The following DNAI3 variants were observed in gnomAD, a reference collection of about 807,000 sequenced individuals.
The protein encoded by DNAI3 is dynein axonemal intermediate chain 3.
DNAI3 carries 83 observed loss-of-function variants against 115.5 expected under a neutral mutation model. That is an observed-to-expected ratio of 0.72 (90% CI 0.60 to 0.86). DNAI3 has a LOEUF of 0.86. Among genes scored for constraint, DNAI3 ranks in the 40% least tolerant of loss-of-function variants. DNAI3 has a pLI of 0.00. For missense variants in DNAI3, 1,004 were observed against 1,075.8 expected (o/e 0.93, Z 0.93); for synonymous variants, 320 against 347.0 (o/e 0.92, Z 0.86).
intron 3 of DNAI3, 24 bp from the exon 4 acceptor site, chr1:85,081,210 C>G: frequency 6.6e-7 from 1 of 1,525,846 alleles, no homozygotes; most frequent in Non-Finnish European, 8.7e-7. Context: ...ATTTAATGTC[C>G]AAATTCCACT....
At chr1:85,108,594 G>A (rs1015958781) in intron 15 of DNAI3, among the ~76,000 whole-genome samples, 2 of 152,058 alleles carry the variant, frequency 1.3e-5, no homozygotes, top group African/African-American at 4.8e-5. Flanking sequence ...AGAGTTCCTG[G>A]GAGAGCTTCA....
At chr1:85,084,751 TATTCCTGAGGG>T (rs546413139) in intron 6 of DNAI3, 56 bp downstream of exon 6, 5 of 1,324,738 alleles carry the variant, frequency 3.8e-6, no homozygotes, top group Non-Finnish European at 4.9e-6. Flanking sequence ...GAACAACACT[TATTCCTGAGGG>T]ATTCATAAGG....
At chr1:85,103,993 G>A (rs1220738603) in intron 13 of DNAI3, among the ~76,000 whole-genome samples, 1 of 150,582 alleles carries the variant, frequency 6.6e-6, no homozygotes, top group East Asian at 1.9e-4. Context: ...GTATAAAAAT[G>A]TATATGCATT....
chr1:85,068,616 G>A (rs1571150691), intron 1 of DNAI3, among the ~76,000 whole-genome samples: 1 of 152,150 alleles, frequency 6.6e-6, no homozygotes, highest in African/African-American at 2.4e-5. Context: ...TAACTTCTCA[G>A]CTCAAAACCA....
At chr1:85,129,902 T>C (rs1557729545) in intron 21 of DNAI3, 88 bp from the exon 22 acceptor site, 2 of 1,478,876 alleles carry the variant, frequency 1.4e-6, no homozygotes, top group Non-Finnish European at 1.8e-6. Context: ...TCTACCTAAT[T>C]ACAAGCAGCA....
At chr1:85,104,638 A>G (rs367570789) in intron 14 of DNAI3, 41 bp downstream of exon 14, 5 of 1,573,250 alleles carry the variant, frequency 3.2e-6, no homozygotes, top group Non-Finnish European at 4.4e-6. Flanking sequence ...GTTTTCATAC[A>G]TGGTGTTTTT....
rs1654092583 is a variant in DNAI3, at chr1:85,066,288, G to GTAGACGAATTA, written c.-15+3804_-15+3814dup. ...GTTAGGCACAACATTGATTTTAGGA[G>GTAGACGAATTA]TAGACGAATTATCTCTTCTGCTACT... On this transcript the variant is annotated intron_variant, in intron 1 of 22. Coordinates refer to ENST00000294664, the MANE Select transcript of DNAI3 (RefSeq NM_145172.5). Among the ~76,000 whole-genome samples the GTAGACGAATTA allele has an allele frequency of 3.5e-5, 5 of 142,532 alleles. No homozygotes were observed. In the South Asian group the frequency reaches 1.2e-3, roughly 33 times the overall value. 93.5% of individuals were successfully genotyped at this position (142,532 alleles called of 152,430 possible). A position where few individuals can be genotyped will look rare whatever the true frequency, so the allele number is the denominator to read the frequency against.
chr1:85,087,498 C>A (rs1443764217), intron 7 of DNAI3, among the ~76,000 whole-genome samples: 1 of 147,202 alleles, frequency 6.8e-6, no homozygotes, highest in Admixed American at 6.8e-5. Flanking sequence ...CCATTACCAT[C>A]TATCCCCTTA....
At chr1:85,125,338 T>G (rs775908043) in intron 19 of DNAI3, among the ~76,000 whole-genome samples, 1 of 152,006 alleles carries the variant, frequency 6.6e-6, no homozygotes, top group Non-Finnish European at 1.5e-5. Flanking sequence ...TACACACACA[T>G]ATATATATTT....
chr1:85,085,912 G>T lies in DNAI3; in HGVS notation c.622G>T (p.Asp208Tyr). Reference sequence around the variant, plus strand: ...TGACCAGAATGCTTCCAGTGTAAAAGATGCCTATATTGAATGTACAGCCTA... The same window carrying T: ...TGACCAGAATGCTTCCAGTGTAAAATATGCCTATATTGAATGTACAGCCTA... ...FSDQNASSVK[D>Y]AYIECTAYPD... The change falls in exon 7 of 23, where the codon GAT becomes TAT. Residue 208 changes from aspartate to tyrosine, a missense_variant. Asp to Tyr is a radical substitution (Grantham distance 160). Transcript: ENST00000294664. The T allele has an allele frequency of 6.2e-7, 1 of 1,614,176 alleles. No individual in the cohort carries two copies.
At chr1:85,127,040 T>C (rs1328621208) in intron 20 of DNAI3, among the ~76,000 whole-genome samples, 3 of 152,178 alleles carry the variant, frequency 2.0e-5, no homozygotes, top group Non-Finnish European at 4.4e-5. Flanking sequence ...GGAACATCCT[T>C]CTCTTCTCCG....
chr1:85,120,567 C>T (rs1216368943), intron 17 of DNAI3, among the ~76,000 whole-genome samples: 3 of 152,230 alleles, frequency 2.0e-5, no homozygotes, highest in Non-Finnish European at 4.4e-5. Context: ...GTTTCATGTA[C>T]TGGCTATGAG....
chr1:85,131,275 T>A (rs1399203528), intron 22 of DNAI3, among the ~76,000 whole-genome samples: 2 of 151,680 alleles, frequency 1.3e-5, no homozygotes, highest in Non-Finnish European at 2.9e-5. Context: ...AGAAACCCTG[T>A]CTCTACTAAA....
Position 85,075,014 on chromosome 1 carries a change from T to C in DNAI3, c.103+1922T>C, listed in dbSNP as rs78266391. Among the ~76,000 whole-genome samples the C allele has an allele frequency of 2.2e-3, 342 of 152,342 alleles. 13 individuals are homozygous for C. In the East Asian group the frequency reaches 0.057, roughly 26 times the overall value. On this transcript the variant is annotated intron_variant, in intron 3 of 22. Coordinates refer to ENST00000294664, the MANE Select transcript of DNAI3 (RefSeq NM_145172.5). ...ATCTCTCATCCTGTTTTCTCCCAGA[T>C]AGCACTTATCACAATTTGTATTTAC...
Position 85,077,009 on chromosome 1 carries a change from G to A in DNAI3, c.103+3917G>A, listed in dbSNP as rs190192952. ...AGACTATCTACCTCATAAGACTGATGTGGAAATTAAATTAGTAGTACATGC... is the reference window on the plus strand; with the variant it reads ...AGACTATCTACCTCATAAGACTGATATGGAAATTAAATTAGTAGTACATGC... On this transcript the variant is annotated intron_variant, in intron 3 of 22. Transcript: ENST00000294664. 2.6e-4 allele frequency among the ~76,000 whole-genome samples: 39 copies of A among 152,272 alleles called. No homozygotes were observed. In the East Asian group the frequency reaches 4.8e-3, roughly 19 times the overall value.
Position 85,080,183 on chromosome 1 carries a change from C to T in DNAI3, c.104-1051C>T, listed in dbSNP as rs562817948. Among the ~76,000 whole-genome samples the T allele has an allele frequency of 2.0e-5, 3 of 151,034 alleles. No homozygotes were observed. In the South Asian group the frequency reaches 6.3e-4, roughly 32 times the overall value. ...TCTCCTGCCTCAGCCTCCCGAGTAG[C>T]TGGGACTACAGGCGCGTGCCACCAT... On this transcript the variant is annotated intron_variant, in intron 3 of 22. Transcript: ENST00000294664.
chr1:85,076,391 C>T (rs894112929), intron 3 of DNAI3, among the ~76,000 whole-genome samples: 5 of 151,712 alleles, frequency 3.3e-5, no homozygotes, highest in Non-Finnish European at 5.9e-5. Context: ...AGTAGAGATC[C>T]GTAACATAAT....
rs1481410197 is a variant in DNAI3 at position 85,071,967 on chromosome 1, C to G, written c.26C>G (p.Thr9Arg). 7 of 1,612,038 alleles carry G rather than the reference C, an allele frequency of 4.3e-6. No homozygotes were observed. In the South Asian group the frequency reaches 7.7e-5, roughly 18 times the overall value. Reference protein sequence around the residue: MAPKQKKKTSRGKKRLKPV... With the variant: MAPKQKKKRSRGKKRLKPV... ...ATGGCTCCAAAACAAAAGAAAAAGA[C>G]ATCACGTGGCAAAAAAAGACTAAAA... The change falls in exon 2 of 23, where the codon ACA (threonine) becomes AGA (arginine). Residue 9 changes from threonine to arginine, a missense_variant. Around this residue, in one of 3 missense-constraint regions of DNAI3, gnomAD observed 550 missense variants for 568.1 expected, o/e 0.97. Coordinates refer to ENST00000294664, the MANE Select transcript of DNAI3 (RefSeq NM_145172.5).
chr1:85,108,678 G>A (rs1435827990), intron 15 of DNAI3, among the ~76,000 whole-genome samples: 1 of 152,140 alleles, frequency 6.6e-6, no homozygotes, highest in Non-Finnish European at 1.5e-5. Context: ...TGGTTATATT[G>A]TATAATTTTG....
Sources: allele counts gnomAD v4.1 joint callset (sites outside exome capture counted in the v4.1 genomes callset), GRCh38; gene constraint gnomAD v4.1.1; regional missense constraint gnomAD v4.1.1; transcripts MANE v1.5; gene names NCBI Gene and HGNC (gene_info 2026-07-23, HGNC 2026-07-21).